TPTE2: variants seen among roughly 807,000 people sequenced by gnomAD.
TPTE2 encodes the protein phosphatidylinositol 3,4,5-trisphosphate 3-phosphatase TPTE2.
A neutral mutation model predicts 78.6 loss-of-function variants in TPTE2; 53 were observed. That is an observed-to-expected ratio of 0.67 (90% CI 0.54 to 0.85). The LOEUF is 0.85. Ranked by LOEUF, TPTE2 falls within the 40% of genes least tolerant of loss-of-function variation. TPTE2 has a pLI of 0.00. For missense variants in TPTE2, 461 were observed against 623.0 expected (o/e 0.74, Z 2.77); for synonymous variants, 175 against 206.2 (o/e 0.85, Z 1.30).
exon 5 of TPTE2, chr13:19,475,580 C>T (rs755588769): frequency 6.2e-6 from 10 of 1,607,696 alleles, no homozygotes; most frequent in Non-Finnish European, 7.6e-6. Flanking sequence ...TACCCAAATG[C>T]AAAGGATGAT....
At chr13:19,515,635 T>C (rs1175222149) in intron 1 of TPTE2, among the ~76,000 whole-genome samples, 2 of 152,126 alleles carry the variant, frequency 1.3e-5, no homozygotes. Flanking sequence ...AAACAATACC[T>C]TTTACAAGAA....
chr13:19,476,499 T>G (rs1422645200), intron 4 of TPTE2, among the ~76,000 whole-genome samples: 1 of 151,766 alleles, frequency 6.6e-6, no homozygotes, highest in African/African-American at 2.4e-5. Flanking sequence ...TGCCTAAGAC[T>G]GGAGAACAAA....
chr13:19,526,983 C>T (rs1169299282), intron 1 of TPTE2, among the ~76,000 whole-genome samples: 2 of 152,044 alleles, frequency 1.3e-5, no homozygotes, highest in Admixed American at 6.6e-5. Context: ...TCCCAGAAGA[C>T]GTGTGAGGAC....
chr13:19,538,745 G>A (rs959856444), upstream of TPTE2, among the ~76,000 whole-genome samples: 2 of 151,742 alleles, frequency 1.3e-5, no homozygotes, highest in Middle Eastern at 6.4e-3. Flanking sequence ...TTGAACTCCT[G>A]ACCTCAAGTG....
chr13:19,455,423 T>G (rs1199900004), intron 10 of TPTE2, among the ~76,000 whole-genome samples: 1 of 152,220 alleles, frequency 6.6e-6, no homozygotes, highest in African/African-American at 2.4e-5. Flanking sequence ...GTGAGTTGAT[T>G]TGGTCACTGG....
At chr13:19,542,612 T>C in the TPTE2 span, among the ~76,000 whole-genome samples, 2 of 152,168 alleles carry the variant, frequency 1.3e-5, no homozygotes, top group Non-Finnish European at 2.9e-5. Context: ...CCATTTCTAA[T>C]GTGAAGCTAG....
intron 10 of TPTE2, among the ~76,000 whole-genome samples, chr13:19,462,364 AG>A (rs1305302324): frequency 1.3e-5 from 2 of 151,894 alleles, no homozygotes; most frequent in African/African-American, 2.4e-5. Context: ...TAGCTCTACT[AG>A]GTATAGTATT....
chr13:19,464,979 GA>G (rs1221785554), intron 9 of TPTE2, among the ~76,000 whole-genome samples: 2 of 152,286 alleles, frequency 1.3e-5, no homozygotes, highest in African/African-American at 4.8e-5. Context: ...TTGGGACTCA[GA>G]AATAACTACA....
chr13:19,501,890 C>A (rs960805531), intron 1 of TPTE2, among the ~76,000 whole-genome samples: 1 of 151,172 alleles, frequency 6.6e-6, no homozygotes, highest in Non-Finnish European at 1.5e-5. Context: ...ATTTTCGCAA[C>A]CTACTCATCT....
Position 19,464,537 on chromosome 13 carries a change from T to A in TPTE2, c.677-17A>T. ...TAATACGTTCTGAAAGTCAAAATCA[T>A]CACTATTACAAACATTATTATAGAT... On this transcript the variant is annotated splice_polypyrimidine_tract_variant and intron_variant, in intron 9 of 19. Coordinates refer to ENST00000400230, the Ensembl canonical transcript of TPTE2. The A allele has an allele frequency of 2.5e-6, 4 of 1,610,902 alleles. No individual in the cohort carries two copies. The highest frequency in any genetic ancestry group is 3.4e-6 in the Non-Finnish European group (4 of 1,177,944).
At chr13:19,478,351 G>A (rs1429018533) in intron 4 of TPTE2, among the ~76,000 whole-genome samples, 1 of 152,118 alleles carries the variant, frequency 6.6e-6, no homozygotes, top group African/African-American at 2.4e-5. Context: ...GTGGGCAAAG[G>A]ATATGAACAG....
chr13:19,518,400 A>C (rs1403703629), intron 1 of TPTE2, among the ~76,000 whole-genome samples: 1 of 152,214 alleles, frequency 6.6e-6, no homozygotes, highest in Non-Finnish European at 1.5e-5. Flanking sequence ...GAAAAAATAA[A>C]CTTCAATTGT....
intron 18 of TPTE2, among the ~76,000 whole-genome samples, chr13:19,425,473 G>C (rs1875961714): frequency 6.6e-6 from 1 of 152,112 alleles, no homozygotes; most frequent in African/African-American, 2.4e-5. Context: ...CCTCCTCCCA[G>C]TTTCTCCATG....
chr13:19,530,323 G>A (rs1358928746), intron 1 of TPTE2, among the ~76,000 whole-genome samples: 1 of 152,180 alleles, frequency 6.6e-6, no homozygotes, highest in Admixed American at 6.5e-5. Flanking sequence ...GACCCTGTCA[G>A]TGGTGGCTAC....
At chr13:19,431,366 C>A (rs750598116) in intron 16 of TPTE2, among the ~76,000 whole-genome samples, 4 of 151,968 alleles carry the variant, frequency 2.6e-5, no homozygotes, top group Non-Finnish European at 5.9e-5. Context: ...CAGACAAAGG[C>A]TCTTCTGTTC....
chr13:19,479,955 C>T (rs780818383), intron 4 of TPTE2, among the ~76,000 whole-genome samples: 15 of 144,534 alleles, frequency 1.0e-4, no homozygotes, highest in Non-Finnish European at 1.6e-4. Context: ...AGCGAGACTC[C>T]GGCTCAAAAA....
At chr13:19,462,398 C>A (rs368720733) in intron 10 of TPTE2, among the ~76,000 whole-genome samples, 25 of 151,174 alleles carry the variant, frequency 1.7e-4, no homozygotes, top group South Asian at 1.5e-3. Flanking sequence ...TTTTTTTTTT[C>A]CTTCAGTACT....
At chr13:19,540,476 T>C (rs902073688), upstream of TPTE2, among the ~76,000 whole-genome samples, 1 of 151,846 alleles carries the variant, frequency 6.6e-6, no homozygotes, top group Non-Finnish European at 1.5e-5. Flanking sequence ...AACTAACTTT[T>C]GTATTTTTAG....
At chr13:19,481,340 G>A (rs562899434) in intron 4 of TPTE2, among the ~76,000 whole-genome samples, 4 of 152,242 alleles carry the variant, frequency 2.6e-5, no homozygotes, top group Non-Finnish European at 4.4e-5. Context: ...ACAATATCCA[G>A]TACATAGATT....
Sources: gnomAD v4.1 joint callset for allele counts (sites outside exome capture counted in the v4.1 genomes callset) on GRCh38, gnomAD v4.1.1 for gene constraint, MANE v1.5 for transcripts, NCBI Gene and HGNC (gene_info 2026-07-23, HGNC 2026-07-21) for gene names.